USP50: variants seen among roughly 807,000 people sequenced by gnomAD.
The protein encoded by USP50 is ubiquitin carboxyl-terminal hydrolase 50.
A neutral mutation model predicts 39.2 loss-of-function variants in USP50; 37 were observed. That is an observed-to-expected ratio of 0.94 (90% confidence interval 0.73 to 1.24). The LOEUF is 1.24. Ranked by LOEUF, USP50 falls within the 50% of genes most tolerant of loss-of-function variation. USP50 has a pLI of 0.00. For synonymous variants in USP50, 139 were observed against 144.5 expected (o/e 0.96, Z 0.27); for missense variants, 374 against 398.2 (o/e 0.94, Z 0.52).
At chr15:50,525,572 G>GTA (rs1179704528) in intron 6 of USP50, among the ~76,000 whole-genome samples, 25 of 64,732 alleles carry the variant, frequency 3.9e-4, no homozygotes, top group East Asian at 1.7e-3. Flanking sequence ...ATGTATATAT[G>GTA]TATATGTATA....
Position 50,543,609 on chromosome 15 carries a change from C to A in USP50, c.433G>T (p.Ala145Ser). 7 of 1,613,074 alleles carry A rather than the reference C, an allele frequency of 4.3e-6. No individual in the cohort carries two copies. Among genetic ancestry groups the A allele is most frequent in the Non-Finnish European group, 5.1e-6 (6 of 1,179,500 alleles). Residue 145 changes from alanine to serine, a missense_variant, in exon 3 of 7, where the codon GCT (alanine) becomes TCT (serine). Physicochemically the swap from Ala to Ser is moderately conservative, Grantham distance 99. Coordinates refer to ENST00000532404, the MANE Select transcript of USP50 (RefSeq NM_203494.5). Reference protein sequence around the residue: ...LICVLNELHEALKKYHYSRRR... With the variant: ...LICVLNELHESLKKYHYSRRR... ...TTAACTCTACTTACCTTTTTTAGAG[C>A]TTCATGAAGTTCATTTAGGACACAA... is the stretch of plus-strand genomic sequence containing the variant.
intron 6 of USP50, among the ~76,000 whole-genome samples, chr15:50,525,404 C>T (rs2052880167): frequency 1.3e-5 from 2 of 151,450 alleles, no homozygotes; most frequent in African/African-American, 4.9e-5. Flanking sequence ...TTTCAAATGC[C>T]TCACCACAAA....
chr15:50,495,619 T>TAA (rs1320702808), downstream of USP50, among the ~76,000 whole-genome samples: 1 of 152,120 alleles, frequency 6.6e-6, no homozygotes, highest in African/African-American at 2.4e-5. Flanking sequence ...GCTTTTTAAA[T>TAA]AAAAATTTGG....
rs758420021 is a variant in USP50, at chr15:50,500,757, A to C, written c.*12T>G. ...CTGGAATCTCACTGACTCGTGTGTT[A>C]TCAAAGCTATATCAGGCCTGGGTGA... On this transcript the variant is annotated 3_prime_UTR_variant, in exon 7 of 7. Transcript: ENST00000532404. The C allele has an allele frequency of 9.5e-6, 15 of 1,580,444 alleles. No individual in the cohort carries two copies. Among genetic ancestry groups the C allele is most frequent in the Non-Finnish European group, 1.3e-5 (15 of 1,162,140 alleles).
At chr15:50,541,295 A>C in intron 3 of USP50, 31 bp from the exon 4 acceptor site, 1 of 1,573,364 alleles carries the variant, frequency 6.4e-7, no homozygotes, top group Non-Finnish European at 8.7e-7. Flanking sequence ...CACCCAAATT[A>C]ATTATTGGTT....
At chr15:50,498,560 CCT>C (rs759804961), downstream of USP50, 1 of 1,567,802 alleles carries the variant, frequency 6.4e-7, no homozygotes, top group South Asian at 1.2e-5. Context: ...CTGGTATCTT[CCT>C]CTGTCAGTGT....
At position 50,530,449 on chromosome 15, in the gene USP50, T is replaced by C. The variant is rs1487833387; in HGVS notation, c.804-520A>G. Among the ~76,000 whole-genome samples the C allele has an allele frequency of 3.3e-5, 5 of 151,538 alleles. No individual in the cohort carries two copies. In the East Asian group the frequency reaches 9.8e-4, roughly 30 times the overall value. ...ATGCAAAAAAATTAGCCGGGCATGG[T>C]AGTGGATGCCTGTAATCCCAGCTAC... On this transcript the variant is annotated intron_variant, in intron 5 of 6. Transcript: ENST00000532404.
At position 50,500,786 on chromosome 15, in the gene USP50, AAT is replaced by A; in HGVS notation, c.986_987del (p.Asn329IlefsTer8). ...AAGCTATATCAGGCCTGGGTGACTG[AAT>A]TCTTGCAGAAAGCAGTGTAGTGGCC... is the stretch of plus-strand genomic sequence containing the variant. ...DGGHYTAFCK[N>X]SVTQA On this transcript the variant is annotated frameshift_variant, in exon 7 of 7. Coordinates refer to ENST00000532404, the MANE Select transcript of USP50 (RefSeq NM_203494.5). LOFTEE classifies it high-confidence loss of function. The A allele has an allele frequency of 6.3e-7, 1 of 1,590,366 alleles. No individual in the cohort carries two copies. Among genetic ancestry groups the A allele is most frequent in the East Asian group, 2.3e-5 (1 of 44,234 alleles).
intron 6 of USP50, among the ~76,000 whole-genome samples, chr15:50,525,018 A>G (rs2052877387): frequency 6.6e-6 from 1 of 152,240 alleles, no homozygotes; most frequent in African/African-American, 2.4e-5. Context: ...TAGTCAAGAT[A>G]TGGAATCAAA....
intron 6 of USP50, among the ~76,000 whole-genome samples, chr15:50,525,634 ATGTATATG>A (rs1394909571): frequency 1.9e-5 from 2 of 105,466 alleles, no homozygotes; most frequent in Admixed American, 1.2e-4. Context: ...ATATGTATAT[ATGTATATG>A]TGTATATGTA....
chr15:50,545,552 AT>A (rs2053064510), intron 1 of USP50, among the ~76,000 whole-genome samples: 1 of 143,276 alleles, frequency 7.0e-6, no homozygotes, highest in East Asian at 2.2e-4. Context: ...TATATATGTG[AT>A]ATATATGTAT....
At chr15:50,512,699 T>C (rs746210801) in intron 6 of USP50, 2 of 151,564 alleles carry the variant, frequency 1.3e-5, no homozygotes, top group African/African-American at 2.4e-5. Context: ...GGCTGGGGCA[T>C]GAGAATCATT....
intron 6 of USP50, among the ~76,000 whole-genome samples, chr15:50,527,818 G>A (rs947713020): frequency 3.3e-5 from 5 of 151,498 alleles, no homozygotes; most frequent in African/African-American, 4.9e-5. Flanking sequence ...TGTATTTTTA[G>A]TAGAGACGGG....
chr15:50,496,170 C>A, downstream of USP50: 1 of 1,124,626 alleles, frequency 8.9e-7, no homozygotes, highest in Non-Finnish European at 1.3e-6. Context: ...CTGGTCTTTA[C>A]CCTTACAAAC....
chr15:50,501,903 G>C (rs1239212482), intron 6 of USP50: 1 of 152,144 alleles, frequency 6.6e-6, no homozygotes, highest in African/African-American at 2.4e-5. Context: ...AAATTCAAAT[G>C]TCAATGTCCT....
At chr15:50,504,997 A>AAG (rs71124362) in intron 6 of USP50, 1 of 148,702 alleles carries the variant, frequency 6.7e-6, no homozygotes, top group African/African-American at 2.5e-5. Flanking sequence ...AAAAAAAAAA[A>AAG]GAATAAACTA....
Position 50,500,904 on chromosome 15 carries a change from T to C in USP50, c.937-67A>G, listed in dbSNP as rs557938552. On this transcript the variant is annotated intron_variant, in intron 6 of 6. Coordinates refer to ENST00000532404, the MANE Select transcript of USP50 (RefSeq NM_203494.5). ...ACACTAACTACTGGAACAGAAATGA[T>C]AGGGCCAAGAGATGCTTTTTAAATT... 1.2e-4 allele frequency: 154 copies of C among 1,266,904 alleles called. No individual in the cohort carries two copies. The East Asian group carries it at 3.8e-3, about 31-fold the overall frequency. 78.5% of individuals were successfully genotyped at this position (1,266,904 alleles called of 1,614,324 possible). A position where few individuals can be genotyped will look rare whatever the true frequency, so the allele number is the denominator to read the frequency against.
At chr15:50,501,046 TATC>T in intron 6 of USP50, 1 of 505,538 alleles carries the variant, frequency 2.0e-6, no homozygotes, top group Non-Finnish European at 3.6e-6. Flanking sequence ...GCCCATTGAC[TATC>T]ATCTGTGAAT....
intron 6 of USP50, chr15:50,514,280 G>C (rs767361251): frequency 1.4e-4 from 22 of 152,180 alleles, no homozygotes; most frequent in Non-Finnish European, 3.1e-4. Flanking sequence ...AGCACAGTTA[G>C]GGTGCTGGTA....
Sources: gnomAD v4.1 joint callset for allele counts (sites outside exome capture counted in the v4.1 genomes callset) on GRCh38, gnomAD v4.1.1 for gene constraint, MANE v1.5 for transcripts, NCBI Gene and HGNC (gene_info 2026-07-23, HGNC 2026-07-21) for gene names.